EXOC6B: variants seen among roughly 807,000 people sequenced by gnomAD.
EXOC6B encodes exocyst complex component 6B.
EXOC6B carries 54 observed loss-of-function variants against 113.5 expected under a neutral mutation model. The observed-to-expected ratio is 0.48, with a 90% confidence interval of 0.38 to 0.60. The LOEUF (loss-of-function observed/expected upper bound fraction) is 0.60, where lower values mean the gene tolerates loss of function less well. EXOC6B is among the 20% of genes least tolerant of loss of function. The probability of loss-of-function intolerance (pLI) is 0.00; values close to 1 mark genes in which losing one functional copy is unlikely to be tolerated. For missense variants in EXOC6B, 797 were observed against 977.5 expected, an observed-to-expected ratio of 0.82 and a Z score of 2.46; for synonymous variants, 357 against 339.0, an observed-to-expected ratio of 1.05 and a Z score of -0.58.
chr2:72,595,684 C>T (rs892948582), intron 6 of EXOC6B, among the ~76,000 whole-genome samples: 23 of 151,734 alleles, frequency 1.5e-4, no homozygotes, highest in African/African-American at 5.6e-4. Flanking sequence ...AGAAGTGACA[C>T]AAATTTTTTT....
chr2:72,271,815 T>C (rs529899298), intron 20 of EXOC6B, among the ~76,000 whole-genome samples: 1 of 152,072 alleles, frequency 6.6e-6, no homozygotes, highest in East Asian at 1.9e-4. Context: ...AAAGCTGCTC[T>C]GTAGCAAAGC....
chr2:72,501,034 T>C (rs1700294224), intron 11 of EXOC6B, among the ~76,000 whole-genome samples: 1 of 152,226 alleles, frequency 6.6e-6, no homozygotes, highest in Non-Finnish European at 1.5e-5. Flanking sequence ...ATTTTCCTTG[T>C]AGAATACCAC....
intron 1 of EXOC6B, among the ~76,000 whole-genome samples, chr2:72,766,305 G>T (rs1683058026): frequency 6.6e-6 from 1 of 152,024 alleles, no homozygotes; most frequent in Admixed American, 6.5e-5. Flanking sequence ...CAGAGGGGAG[G>T]GACCTTCACT....
chr2:72,559,645 T>C (rs1035671466), intron 7 of EXOC6B, 124 bp from the exon 8 acceptor site: 4 of 661,166 alleles, frequency 6.0e-6, no homozygotes, highest in African/African-American at 3.8e-5. Flanking sequence ...AAGTGAGAAA[T>C]ACAAAACAAA....
At chr2:72,407,951 T>C (rs1330193511) in intron 18 of EXOC6B, among the ~76,000 whole-genome samples, 2 of 152,190 alleles carry the variant, frequency 1.3e-5, no homozygotes, top group Admixed American at 6.5e-5. Context: ...GACATGATTG[T>C]ATATCTAGAA....
chr2:72,629,203 T>C (rs1672241136), intron 6 of EXOC6B, among the ~76,000 whole-genome samples: 1 of 152,188 alleles, frequency 6.6e-6, no homozygotes, highest in South Asian at 2.1e-4. Flanking sequence ...CAAAGCTAAA[T>C]ATAACATTCC....
At chr2:72,198,586 G>T (rs911195890) in intron 20 of EXOC6B, among the ~76,000 whole-genome samples, 5 of 152,140 alleles carry the variant, frequency 3.3e-5, no homozygotes, top group Admixed American at 6.5e-5. Flanking sequence ...TAAGTAGTAA[G>T]TACAAAGAAA....
chr2:72,282,074 C>G (rs1211317162), intron 20 of EXOC6B, among the ~76,000 whole-genome samples: 1 of 152,028 alleles, frequency 6.6e-6, no homozygotes, highest in East Asian at 1.9e-4. Flanking sequence ...CTCCTCACCC[C>G]CTGCCAACAA....
chr2:72,251,941 C>T (rs1683045589), intron 20 of EXOC6B, among the ~76,000 whole-genome samples: 1 of 152,010 alleles, frequency 6.6e-6, no homozygotes, highest in Non-Finnish European at 1.5e-5. Context: ...CCCATATTTC[C>T]CCCCCTTCTT....
intron 18 of EXOC6B, chr2:72,464,256 A>G (rs549179700): frequency 3.9e-5 from 6 of 152,296 alleles, no homozygotes; most frequent in African/African-American, 1.4e-4. Context: ...CAAGACATTT[A>G]CCAGATTCTA....
intron 18 of EXOC6B, among the ~76,000 whole-genome samples, chr2:72,435,872 T>C (rs1695832117): frequency 6.6e-6 from 1 of 152,218 alleles, no homozygotes; most frequent in Non-Finnish European, 1.5e-5. Context: ...CTGTGTCTTT[T>C]AATTGGGGCA....
intron 8 of EXOC6B, among the ~76,000 whole-genome samples, chr2:72,545,955 T>C (rs535210176): frequency 6.9e-4 from 105 of 152,342 alleles, no homozygotes; most frequent in Admixed American, 2.1e-3. Context: ...GTCTGTCTGT[T>C]CCTTTTTCCA....
chr2:72,792,972 GTATTA>G (rs1319593122), intron 1 of EXOC6B, among the ~76,000 whole-genome samples: 2 of 152,054 alleles, frequency 1.3e-5, no homozygotes, highest in Non-Finnish European at 2.9e-5. Context: ...GTTTATTTCA[GTATTA>G]TATAAGTAAG....
chr2:72,351,022 C>G (rs929377094), intron 19 of EXOC6B, among the ~76,000 whole-genome samples: 1 of 152,052 alleles, frequency 6.6e-6, no homozygotes, highest in Non-Finnish European at 1.5e-5. Flanking sequence ...GGCAGGGGAT[C>G]ATGCTACACC....
chr2:72,255,760 T>C (rs913875284), intron 20 of EXOC6B, among the ~76,000 whole-genome samples: 5 of 152,182 alleles, frequency 3.3e-5, no homozygotes, highest in Non-Finnish European at 7.3e-5. Context: ...TGTGGGACTT[T>C]TGAGCTGATG....
At chr2:72,412,160 C>T (rs889578318) in intron 18 of EXOC6B, among the ~76,000 whole-genome samples, 6 of 151,698 alleles carry the variant, frequency 4.0e-5, no homozygotes, top group Admixed American at 2.6e-4. Context: ...ATAAAAATCT[C>T]AACAGTAACA....
intron 6 of EXOC6B, among the ~76,000 whole-genome samples, chr2:72,680,211 A>T (rs1274689728): frequency 6.6e-6 from 1 of 152,188 alleles, no homozygotes; most frequent in East Asian, 1.9e-4. Flanking sequence ...TTATTTCAAG[A>T]AAAGGGTTCT....
At chr2:72,551,650 G>A (rs1409530567) in intron 8 of EXOC6B, among the ~76,000 whole-genome samples, 1 of 151,242 alleles carries the variant, frequency 6.6e-6, no homozygotes, top group Non-Finnish European at 1.5e-5. Flanking sequence ...GACTACAGGC[G>A]CCCGCCACCA....
chr2:72,485,700 A>C (rs1424913281), intron 16 of EXOC6B, among the ~76,000 whole-genome samples: 1 of 152,228 alleles, frequency 6.6e-6, no homozygotes, highest in Non-Finnish European at 1.5e-5. Flanking sequence ...GAGCAATATC[A>C]CTTCTGTTAA....
Sources: allele counts gnomAD v4.1 joint callset (sites outside exome capture counted in the v4.1 genomes callset), GRCh38; gene constraint gnomAD v4.1.1; transcripts MANE v1.5; gene names NCBI Gene and HGNC (gene_info 2026-07-23, HGNC 2026-07-21).